The following MICAL2 variants were observed in gnomAD, a reference collection of about 807,000 sequenced individuals.
The protein encoded by MICAL2 is [F-actin]-monooxygenase MICAL2.
In MICAL2, 77 loss-of-function variants were observed where a neutral mutation model predicts 127.3. The observed-to-expected ratio is 0.60, with a 90% confidence interval of 0.50 to 0.73. The LOEUF (loss-of-function observed/expected upper bound fraction) is 0.73. Ranked by LOEUF, MICAL2 falls within the 30% of genes least tolerant of loss-of-function variation. The pLI is 0.00. For missense variants in MICAL2, 1,351 were observed against 1,434.4 expected (o/e 0.94, Z 0.94); for synonymous variants, 570 against 551.1 (o/e 1.03, Z -0.48).
chr11:12,120,973 CA>C (rs1381560441), intron 1 of MICAL2, among the ~76,000 whole-genome samples: 1 of 152,184 alleles, frequency 6.6e-6, no homozygotes, highest in Non-Finnish European at 1.5e-5. Flanking sequence ...GCTGGGCCCC[CA>C]AAAAGACTTT....
intron 6 of MICAL2, among the ~76,000 whole-genome samples, chr11:12,212,156 C>T (rs955277374): frequency 3.3e-5 from 5 of 152,160 alleles, no homozygotes; most frequent in East Asian, 1.9e-4. Context: ...TCTAAAGGTG[C>T]GCTTCAGTTA....
chr11:12,147,535 A>G (rs1208330280), intron 2 of MICAL2, among the ~76,000 whole-genome samples: 1 of 152,246 alleles, frequency 6.6e-6, no homozygotes, highest in East Asian at 1.9e-4. Flanking sequence ...TAGAAAATAA[A>G]TTTAAAAATC....
At chr11:12,159,238 A>G (rs1433384650) in intron 2 of MICAL2, among the ~76,000 whole-genome samples, 1 of 152,126 alleles carries the variant, frequency 6.6e-6, no homozygotes, top group Non-Finnish European at 1.5e-5. Context: ...AGGGGTGGCC[A>G]TTGATTGGGG....
intron 1 of MICAL2, among the ~76,000 whole-genome samples, chr11:12,122,738 C>T (rs1175768380): frequency 6.6e-6 from 1 of 152,154 alleles, no homozygotes; most frequent in Non-Finnish European, 1.5e-5. Context: ...AAGGGAATGG[C>T]TCAGTCAAAG....
intron 29 of MICAL2, among the ~76,000 whole-genome samples, chr11:12,317,868 A>G (rs1008584638): frequency 2.0e-5 from 3 of 152,154 alleles, no homozygotes; most frequent in African/African-American, 4.8e-5. Context: ...TGGCAACTAT[A>G]TAACTTCTTT....
rs776485198 is a variant in MICAL2 at position 12,213,391 on chromosome 11, G to A, written c.828G>A (p.Gln276=). The change falls in exon 7 of 28, where the codon CAG becomes CAA. Residue 276 remains glutamine, a synonymous_variant. Transcript: ENST00000683283. The part of the protein sequence containing the change: ...VAFIFNQKFF[Q]DLKEETGIDL... ...TCATCTTCAATCAGAAATTTTTTCA[G>A]GACCTTAAAGAAGAAACAGGTGGGA... 1 of 1,613,804 alleles carries A rather than the reference G, an allele frequency of 6.2e-7. No individual in the cohort carries two copies. The highest frequency in any genetic ancestry group is 8.5e-7 in the Non-Finnish European group (1 of 1,179,836).
intron 8 of MICAL2, 162 bp downstream of exon 8, chr11:12,216,481 G>A (rs1856172262): frequency 1.6e-6 from 1 of 610,922 alleles, no homozygotes; most frequent in African/African-American, 1.8e-5. Context: ...CATGAGTATT[G>A]GATAAAGGAG....
In MICAL2 at chr11:12,310,452, T is replaced by C. The variant is rs575754921; in HGVS notation, c.5213-9244T>C. 1.1e-4 allele frequency among the ~76,000 whole-genome samples: 16 copies of C among 152,322 alleles called. No homozygotes were observed. In the South Asian group the frequency reaches 3.3e-3, roughly 32 times the overall value. ...GAAACTATCCATTCCCCAATGTATGTTCTTGGCACCTTTGTTAAAATGAGT... is the reference window on the plus strand; with the variant it reads ...GAAACTATCCATTCCCCAATGTATGCTCTTGGCACCTTTGTTAAAATGAGT... On this transcript the variant is annotated intron_variant, in intron 29 of 34. Coordinates refer to the MICAL2 transcript ENST00000646065.
At position 12,255,767 on chromosome 11, in the gene MICAL2, C is replaced by T. The variant is rs1354777407; in HGVS notation, c.2955+17C>T. 6.3e-6 allele frequency: 10 copies of T among 1,595,400 alleles called. No homozygotes were observed. Among genetic ancestry groups the T allele is most frequent in the Non-Finnish European group, 8.6e-6 (10 of 1,167,134 alleles). Reference sequence around the variant, plus strand: ...CCAGACCTGGTAAGGACATGCACCCCCAGCCTTCACCCACAGACACTGGCT... The same window carrying T: ...CCAGACCTGGTAAGGACATGCACCCTCAGCCTTCACCCACAGACACTGGCT... On this transcript the variant is annotated intron_variant, in intron 23 of 27. Coordinates refer to ENST00000683283, the MANE Select transcript of MICAL2 (RefSeq NM_001282663.2).
chr11:12,317,803 A>AAC (rs1555021136), intron 29 of MICAL2, among the ~76,000 whole-genome samples: 4 of 151,976 alleles, frequency 2.6e-5, no homozygotes, highest in African/African-American at 9.7e-5. Flanking sequence ...AAAAAAAAAA[A>AAC]AAGTACTAGA....
chr11:12,167,684 G>C (rs1855681232), intron 3 of MICAL2, among the ~76,000 whole-genome samples: 1 of 152,144 alleles, frequency 6.6e-6, no homozygotes, highest in Admixed American at 6.5e-5. Flanking sequence ...TGAAGAAAAA[G>C]CTTAAAAGAA....
At chr11:12,245,124 T>C (rs12226386) in intron 21 of MICAL2, among the ~76,000 whole-genome samples, 25,390 of 152,128 alleles carry the variant, frequency 0.17, 2,247 homozygotes, top group South Asian at 0.28. Flanking sequence ...GGGTCTGTCT[T>C]CTGGGAAGGC....
At chr11:12,126,366 A>G (rs1042780089) in intron 1 of MICAL2, among the ~76,000 whole-genome samples, 2 of 152,186 alleles carry the variant, frequency 1.3e-5, no homozygotes, top group African/African-American at 2.4e-5. Flanking sequence ...GAGATGCTTT[A>G]CAAATCATCT....
chr11:12,280,619 T>C (rs956766138), intron 1 of MICAL2, among the ~76,000 whole-genome samples: 1 of 152,220 alleles, frequency 6.6e-6, no homozygotes, highest in East Asian at 1.9e-4. Context: ...ACATTTCCTC[T>C]TCTTAGAAAG....
chr11:12,216,207 T>C lies in MICAL2; in HGVS notation c.848-12T>C. 3 of 1,596,442 alleles carry C rather than the reference T, an allele frequency of 1.9e-6. No individual in the cohort carries two copies. Among genetic ancestry groups the C allele is most frequent in the Non-Finnish European group, 2.6e-6 (3 of 1,163,756 alleles). On this transcript the variant is annotated splice_polypyrimidine_tract_variant and intron_variant, in intron 7 of 27. Transcript: ENST00000683283. Reference sequence around the variant, plus strand: ...GAAGTAACACTGAGCTTGTGAATGCTTCTCTTTTCAGGCATAGATCTTGAG... The same window carrying C: ...GAAGTAACACTGAGCTTGTGAATGCCTCTCTTTTCAGGCATAGATCTTGAG...
chr11:12,260,408 T>G (rs1862947043), intron 26 of MICAL2: 2 of 1,246,832 alleles, frequency 1.6e-6, no homozygotes, highest in African/African-American at 3.1e-5. Flanking sequence ...TGAGCCATAC[T>G]TCTGGGTTTA....
intron 1 of MICAL2, among the ~76,000 whole-genome samples, chr11:12,129,390 G>T (rs1189458965): frequency 6.6e-6 from 1 of 152,162 alleles, no homozygotes; most frequent in Non-Finnish European, 1.5e-5. Context: ...TGTCCCCATT[G>T]AACAGGTCAG....
At chr11:12,123,440 G>A (rs567660376) in intron 1 of MICAL2, among the ~76,000 whole-genome samples, 74 of 152,152 alleles carry the variant, frequency 4.9e-4, no homozygotes, top group African/African-American at 1.7e-3. Context: ...TGTCAGTTCT[G>A]GTGTTTTCTT....
At position 12,184,060 on chromosome 11, in the gene MICAL2, G is replaced by T. The variant is rs116037534; in HGVS notation, c.265-20190G>T. ...TTCCCAAAGTGCTGGGATTACAGGTGTGAGCCACCACGTCGGATCTTGGCT... is the reference window on the plus strand; with the variant it reads ...TTCCCAAAGTGCTGGGATTACAGGTTTGAGCCACCACGTCGGATCTTGGCT... On this transcript the variant is annotated intron_variant, in intron 3 of 27. Transcript: ENST00000683283. Among the ~76,000 whole-genome samples the T allele has an allele frequency of 2.2e-3, 328 of 152,332 alleles. 1 individual carries two copies. The highest frequency in any genetic ancestry group is 7.5e-3 in the African/African-American group (311 of 41,582).
Sources: gnomAD v4.1 joint callset for allele counts (sites outside exome capture counted in the v4.1 genomes callset) on GRCh38, gnomAD v4.1.1 for gene constraint, MANE v1.5 for transcripts, NCBI Gene and HGNC (gene_info 2026-07-23, HGNC 2026-07-21) for gene names.